Variants in RALB observed in about 807,000 individuals in gnomAD.
RALB encodes ras-related protein Ral-B.
In RALB, 16 loss-of-function variants were observed where a neutral mutation model predicts 21.3. The ratio of observed to expected loss-of-function variants is 0.75; its 90% CI spans 0.51 to 1.14. The LOEUF (loss-of-function observed/expected upper bound fraction) is 1.14, where lower values mean the gene tolerates loss of function less well. Among genes scored for constraint, RALB ranks in the 50% most tolerant of loss-of-function variants. The probability of loss-of-function intolerance (pLI) is 0.00; values close to 1 mark genes in which losing one functional copy is unlikely to be tolerated. For missense variants in RALB, 161 were observed against 256.2 expected (o/e 0.63, Z 2.54); for synonymous variants, 93 against 96.1 (o/e 0.97, Z 0.19).
chr2:120,277,780 T>A (rs1313108252), intron 1 of RALB, among the ~76,000 whole-genome samples: 1 of 151,482 alleles, frequency 6.6e-6, no homozygotes, highest in Non-Finnish European at 1.5e-5. Flanking sequence ...TGTGCTAGCA[T>A]GTGTGAGCCT....
chr2:120,265,476 T>C (rs1189529968), intron 1 of RALB, among the ~76,000 whole-genome samples: 1 of 152,272 alleles, frequency 6.6e-6, no homozygotes, highest in Non-Finnish European at 1.5e-5. Flanking sequence ...GTATATTTTC[T>C]CTCAGGTCTT....
At chr2:120,275,266 ATGTG>A (rs943858175) in intron 1 of RALB, among the ~76,000 whole-genome samples, 1 of 152,188 alleles carries the variant, frequency 6.6e-6, no homozygotes, top group Non-Finnish European at 1.5e-5. Context: ...AGCCATGTGA[ATGTG>A]TGTGTGTGCA....
Position 120,293,783 on chromosome 2 carries a change from G to C in RALB, c.*523G>C. Reference sequence around the variant, plus strand: ...GTAAGCTTCTTGGCAATACCCTGTGGATCTGAAACAGCTAAAAAAATGAAT... The same window carrying C: ...GTAAGCTTCTTGGCAATACCCTGTGCATCTGAAACAGCTAAAAAAATGAAT... On this transcript the variant is annotated 3_prime_UTR_variant, in exon 5 of 5. Coordinates refer to ENST00000272519, the MANE Select transcript of RALB (RefSeq NM_002881.3). 1 of 176,156 alleles carries C rather than the reference G, an allele frequency of 5.7e-6. No individual in the cohort carries two copies. Among genetic ancestry groups the C allele is most frequent in the Non-Finnish European group, 1.2e-5 (1 of 84,782 alleles). The allele number at this position is 176,156 out of a possible 1,614,324, so 10.9% of individuals were successfully genotyped here. A position where few individuals can be genotyped will look rare whatever the true frequency, so the allele number is the denominator to read the frequency against.
At chr2:120,254,834 C>G (rs1689157025) in intron 1 of RALB, among the ~76,000 whole-genome samples, 1 of 152,104 alleles carries the variant, frequency 6.6e-6, no homozygotes. Context: ...CACCACCATG[C>G]CAAGCTAATT....
intron 1 of RALB, among the ~76,000 whole-genome samples, chr2:120,244,522 A>C (rs183515229): frequency 4.6e-5 from 7 of 152,318 alleles, no homozygotes; most frequent in Non-Finnish European, 1.5e-5. Flanking sequence ...TGAGCTCTGC[A>C]TGGGCCTCCC....
chr2:120,288,090 G>C (rs1031099044), intron 3 of RALB, among the ~76,000 whole-genome samples: 11 of 152,082 alleles, frequency 7.2e-5, no homozygotes, highest in African/African-American at 2.2e-4. Flanking sequence ...TCCCATTTTT[G>C]GATCGATATG....
chr2:120,247,594 C>G (rs1688991789), intron 1 of RALB, among the ~76,000 whole-genome samples: 5 of 152,294 alleles, frequency 3.3e-5, no homozygotes, highest in Admixed American at 3.3e-4. Context: ...AGTTTAGTGG[C>G]AATGACTTAC....
intron 1 of RALB, among the ~76,000 whole-genome samples, chr2:120,262,053 T>TG (rs1689378678): frequency 6.6e-6 from 1 of 152,050 alleles, no homozygotes; most frequent in Middle Eastern, 3.2e-3. Flanking sequence ...CAGATGTCAT[T>TG]GGGGAGGACG....
In RALB at chr2:120,289,773, G is replaced by A; in HGVS notation, c.501+16G>A. 6.3e-7 allele frequency: 1 copy of A among 1,579,714 alleles called. No homozygotes were observed. Among genetic ancestry groups the A allele is most frequent in the South Asian group, 1.1e-5 (1 of 87,540 alleles). ...CGTGGACAAGGTAGGCGTGAATTCT[G>A]TGTATTTCTCAGAAACAGACCTGAG... is the stretch of plus-strand genomic sequence containing the variant. On this transcript the variant is annotated intron_variant, in intron 4 of 4. Transcript: ENST00000272519.
At chr2:120,271,040 A>G (rs1218032269) in intron 1 of RALB, among the ~76,000 whole-genome samples, 1 of 152,206 alleles carries the variant, frequency 6.6e-6, no homozygotes, top group Non-Finnish European at 1.5e-5. Context: ...GGACTGAGAG[A>G]TTAGGTTTCC....
At chr2:120,268,917 T>G (rs1376826542) in intron 1 of RALB, among the ~76,000 whole-genome samples, 1 of 131,730 alleles carries the variant, frequency 7.6e-6, no homozygotes, top group Non-Finnish European at 1.6e-5. Context: ...AATAATTCTT[T>G]GTTTATATAT....
At chr2:120,277,827 GAA>G (rs1689863798) in intron 1 of RALB, among the ~76,000 whole-genome samples, 1 of 141,152 alleles carries the variant, frequency 7.1e-6, no homozygotes, top group Non-Finnish European at 1.5e-5. Context: ...GCAAGTGTGT[GAA>G]TATGTGTGTT....
chr2:120,261,001 A>G (rs1405824198), intron 1 of RALB, among the ~76,000 whole-genome samples: 1 of 152,196 alleles, frequency 6.6e-6, no homozygotes, highest in Non-Finnish European at 1.5e-5. Flanking sequence ...ATTAGAGACT[A>G]GGTTAGTGGT....
intron 1 of RALB, among the ~76,000 whole-genome samples, chr2:120,257,694 C>T (rs1434596721): frequency 6.6e-6 from 1 of 152,216 alleles, no homozygotes; most frequent in Non-Finnish European, 1.5e-5. Context: ...ACTATTTGCA[C>T]TTCCTCTGCT....
At chr2:120,243,996 C>T (rs879513036) in intron 1 of RALB, among the ~76,000 whole-genome samples, 18 of 152,172 alleles carry the variant, frequency 1.2e-4, no homozygotes, top group Non-Finnish European at 2.5e-4. Context: ...ACAGGCTGTA[C>T]AGGAACTATG....
intron 1 of RALB, chr2:120,253,577 C>G: frequency 1.0e-6 from 1 of 985,540 alleles, no homozygotes; most frequent in Non-Finnish European, 1.2e-6. Context: ...GCATCGCCGT[C>G]CCGGTTCTTG....
chr2:120,259,141 A>C (rs1180577858), intron 1 of RALB, among the ~76,000 whole-genome samples: 2 of 152,208 alleles, frequency 1.3e-5, no homozygotes, highest in African/African-American at 2.4e-5. Flanking sequence ...CGTGGACCCA[A>C]AGAGTGAGCA....
chr2:120,249,602 C>T (rs1393837286), upstream of RALB, among the ~76,000 whole-genome samples: 2 of 151,510 alleles, frequency 1.3e-5, no homozygotes, highest in African/African-American at 4.9e-5. Flanking sequence ...GAACTCAGAG[C>T]AAGAACTCAC....
At chr2:120,250,292 G>C (rs1689034687), upstream of RALB, among the ~76,000 whole-genome samples, 1 of 152,178 alleles carries the variant, frequency 6.6e-6, no homozygotes, top group Non-Finnish European at 1.5e-5. Flanking sequence ...AGGTTGGTAG[G>C]GGGCCTGTGC....
Sources: gnomAD v4.1 joint callset for allele counts (sites outside exome capture counted in the v4.1 genomes callset) on GRCh38, gnomAD v4.1.1 for gene constraint, MANE v1.5 for transcripts, NCBI Gene and HGNC (gene_info 2026-07-23, HGNC 2026-07-21) for gene names.